The following SV2B variants were observed in gnomAD, a reference collection of about 807,000 sequenced individuals.
SV2B encodes synaptic vesicle glycoprotein 2B.
A neutral mutation model predicts 73.9 loss-of-function variants in SV2B; 41 were observed. That is an observed-to-expected ratio of 0.56 (90% CI 0.43 to 0.72). SV2B has a LOEUF of 0.72. Among genes scored for constraint, SV2B ranks in the 30% least tolerant of loss-of-function variants. The probability of loss-of-function intolerance (pLI) is 0.00; values close to 1 mark genes in which losing one functional copy is unlikely to be tolerated. For missense variants in SV2B, 764 were observed against 857.8 expected (o/e 0.89, Z 1.37); for synonymous variants, 314 against 314.2 (o/e 1.00, Z 0.01).
chr15:91,127,908 C>T lies in SV2B; in HGVS notation c.-392+27545C>T, dbSNP rs2042533198. ...TTCTTTGAGCTTTTCTTTTCTTTTT[C>T]TCATTATAAGCATTAAAGTGACATG... On this transcript the variant is annotated intron_variant, in intron 1 of 12. Coordinates refer to ENST00000394232, the MANE Select transcript of SV2B (RefSeq NM_001323032.3). Among the ~76,000 whole-genome samples the T allele has an allele frequency of 2.6e-5, 4 of 152,130 alleles. No individual in the cohort carries two copies. The South Asian group carries it at 8.3e-4, about 31-fold the overall frequency.
intron 1 of SV2B, among the ~76,000 whole-genome samples, chr15:91,103,456 T>C (rs1434124585): frequency 6.6e-6 from 1 of 152,232 alleles, no homozygotes; most frequent in East Asian, 1.9e-4. Context: ...TGGAAAAGTG[T>C]TGGGATCATC....
chr15:91,197,221 GTTTTGTTT>G lies in SV2B; in HGVS notation c.-391-28650_-391-28643del, dbSNP rs2045280096. 1.4e-5 allele frequency among the ~76,000 whole-genome samples: 2 copies of G among 142,268 alleles called. No individual in the cohort carries two copies. Among genetic ancestry groups the G allele is most frequent in the African/African-American group, 6.1e-5 (2 of 32,776 alleles). The allele number at this position is 142,268 out of a possible 152,430, so 93.3% of individuals were successfully genotyped here. A position where few individuals can be genotyped will look rare whatever the true frequency, so the allele number is the denominator to read the frequency against. ...TGTTTTTGTGTTTTTTTTGTTTTTT[GTTTTGTTT>G]TGTTTTGTTTTGTTTTGAGACAGAG... On this transcript the variant is annotated intron_variant, in intron 1 of 12. Transcript: ENST00000394232. This position sits in a 1 kb window ranked among gnomAD's most constrained non-coding sequence, Gnocchi z 4.9.
intron 6 of SV2B, 130 bp downstream of exon 6, chr15:91,260,539 C>T (rs2047872981): frequency 1.6e-6 from 1 of 610,402 alleles, no homozygotes. Context: ...ATTGCTGTTA[C>T]TTTATAATAA....
intron 4 of SV2B, among the ~76,000 whole-genome samples, chr15:91,256,817 G>T (rs1325570202): frequency 1.3e-5 from 2 of 152,168 alleles, no homozygotes; most frequent in African/African-American, 4.8e-5. Context: ...TACAAATAGT[G>T]TAGAAAATGT....
intron 1 of SV2B, among the ~76,000 whole-genome samples, chr15:91,116,313 G>C (rs2042176902): frequency 6.6e-6 from 1 of 152,162 alleles, no homozygotes; most frequent in African/African-American, 2.4e-5. Flanking sequence ...ATGAGGACTG[G>C]CACCCCTGGC....
intron 1 of SV2B, among the ~76,000 whole-genome samples, chr15:91,165,482 A>G (rs1053895180): frequency 6.6e-6 from 1 of 152,228 alleles, no homozygotes; most frequent in Non-Finnish European, 1.5e-5. Flanking sequence ...CAGATGATTT[A>G]AAGTATATGG....
rs2048793232 is a variant in SV2B at position 91,284,457 on chromosome 15, CAG to C, written c.1708+240_1708+241del. Among the ~76,000 whole-genome samples the C allele has an allele frequency of 6.6e-6, 1 of 152,140 alleles. No individual in the cohort carries two copies. The highest frequency in any genetic ancestry group is 1.5e-5 in the Non-Finnish European group (1 of 68,024). The stretch of plus-strand genomic sequence containing the variant: ...CGAGGGACTTTTGTTCATTTCCTGA[CAG>C]AGAAATTCTGTGACAGTCATTTAAT... On this transcript the variant is annotated intron_variant, in intron 11 of 12. Transcript: ENST00000394232. The surrounding 1 kb of genome is among the most constrained non-coding windows in gnomAD (Gnocchi z 4.5).
At chr15:91,272,736 A>G (rs2048354588) in intron 9 of SV2B, among the ~76,000 whole-genome samples, 1 of 151,702 alleles carries the variant, frequency 6.6e-6, no homozygotes, top group Non-Finnish European at 1.5e-5. Flanking sequence ...GCACACACAC[A>G]CACAATAGAA....
At chr15:91,163,477 C>G (rs2043799497) in intron 1 of SV2B, among the ~76,000 whole-genome samples, 2 of 152,164 alleles carry the variant, frequency 1.3e-5, no homozygotes. Context: ...GAGATGGTAT[C>G]TCATTGTGGT....
Position 91,115,974 on chromosome 15 carries a change from A to G in SV2B, c.-392+15611A>G, listed in dbSNP as rs865949474. On this transcript the variant is annotated intron_variant, in intron 1 of 12. Transcript: ENST00000394232. This position sits in a 1 kb window ranked among gnomAD's most constrained non-coding sequence, Gnocchi z 4.3. ...ACACCTTAACAGAGTACATGCACAC[A>G]CATACACACACACATAAATATACAT... Among the ~76,000 whole-genome samples the G allele has an allele frequency of 2.0e-5, 3 of 152,306 alleles. No individual in the cohort carries two copies. Among genetic ancestry groups the G allele is most frequent in the Middle Eastern group, 6.8e-3 (2 of 294 alleles).
rs1378616145 is a variant in SV2B at position 91,295,957 on chromosome 15, T to C, written c.*3405T>C. 2 of 152,200 alleles carry C rather than the reference T, an allele frequency of 1.3e-5. No individual in the cohort carries two copies. Among genetic ancestry groups the C allele is most frequent in the African/African-American group, 4.8e-5 (2 of 41,452 alleles). 9.4% of individuals were successfully genotyped at this position (152,200 alleles called of 1,614,324 possible). ...TACGATGACCTTACAATCCGCAAAC[T>C]GCACCTTTCATGTGTAAAAGGATTG... is the stretch of plus-strand genomic sequence containing the variant. On this transcript the variant is annotated 3_prime_UTR_variant, in exon 13 of 13. Transcript: ENST00000394232.
At chr15:91,198,228 A>T (rs2045323742) in intron 1 of SV2B, among the ~76,000 whole-genome samples, 1 of 152,146 alleles carries the variant, frequency 6.6e-6, no homozygotes, top group Admixed American at 6.5e-5. Context: ...TTAAGATTAG[A>T]TAAAGCTGGG....
chr15:91,172,320 C>G (rs965469157), intron 1 of SV2B, among the ~76,000 whole-genome samples: 1 of 152,226 alleles, frequency 6.6e-6, no homozygotes, highest in Non-Finnish European at 1.5e-5. Flanking sequence ...CCTCCTCACC[C>G]TTCCCAGTGT....
chr15:91,131,385 T>C (rs769439435), intron 1 of SV2B, among the ~76,000 whole-genome samples: 5 of 150,104 alleles, frequency 3.3e-5, no homozygotes, highest in Admixed American at 6.6e-5. Context: ...AACATCTGTA[T>C]TGGGGGGGGT....
intron 1 of SV2B, among the ~76,000 whole-genome samples, chr15:91,213,881 A>G (rs1235577083): frequency 6.6e-6 from 1 of 152,238 alleles, no homozygotes; most frequent in African/African-American, 2.4e-5. Flanking sequence ...CAAGTTAGCA[A>G]GGAAGTGGTA....
intron 1 of SV2B, among the ~76,000 whole-genome samples, chr15:91,101,627 T>C (rs907890083): frequency 3.9e-5 from 6 of 152,078 alleles, no homozygotes; most frequent in Admixed American, 1.3e-4. Flanking sequence ...CAGTGATTAG[T>C]ATAAAAATGA....
upstream of SV2B, chr15:91,100,178 T>A (rs2041680753): frequency 6.6e-6 from 1 of 151,924 alleles, no homozygotes; most frequent in Admixed American, 6.6e-5. This position sits in a 1 kb window ranked among gnomAD's most constrained non-coding sequence, Gnocchi z 6.4. Context: ...GGGGGCGCGC[T>A]GCGCGCTGCG....
chr15:91,292,415 A>C lies in SV2B; in HGVS notation c.1915A>C (p.Ile639Leu). Residue 639 changes from isoleucine to leucine, a missense_variant, in exon 13 of 13, where the codon ATC becomes CTC. Transcript: ENST00000394232. ...ILNGLCKFGA[I>L]LGNTIFASFV... is the part of the protein sequence containing the mutation. ...CAATGGATTATGCAAATTTGGCGCC[A>C]TCCTGGGAAACACCATCTTTGCTTC... is the stretch of plus-strand genomic sequence containing the variant. 1 of 1,614,186 alleles carries C rather than the reference A, an allele frequency of 6.2e-7. No homozygotes were observed. Among genetic ancestry groups the C allele is most frequent in the Non-Finnish European group, 8.5e-7 (1 of 1,180,038 alleles).
At chr15:91,101,632 A>C (rs2041727251) in intron 1 of SV2B, among the ~76,000 whole-genome samples, 2 of 152,112 alleles carry the variant, frequency 1.3e-5, no homozygotes, top group Non-Finnish European at 2.9e-5. Context: ...ATTAGTATAA[A>C]AATGAAGCCC....
Sources: gnomAD v4.1 joint callset for allele counts (sites outside exome capture counted in the v4.1 genomes callset) on GRCh38, gnomAD v4.1.1 for gene constraint, Gnocchi (gnomAD v3.1) non-coding constraint, MANE v1.5 for transcripts, NCBI Gene and HGNC (gene_info 2026-07-23, HGNC 2026-07-21) for gene names.